Variants in ACTR3C observed in about 807,000 individuals in gnomAD.
ACTR3C encodes the protein actin related protein 3C.
A neutral mutation model predicts 26.3 loss-of-function variants in ACTR3C; 18 were observed. The observed-to-expected ratio is 0.68, with a 90% CI of 0.47 to 1.01. The LOEUF (loss-of-function observed/expected upper bound fraction) is 1.01. Ranked by LOEUF, ACTR3C falls within the 50% of genes least tolerant of loss-of-function variation. The pLI, the probability that ACTR3C is intolerant of heterozygous loss-of-function variation, is 0.00. For synonymous variants in ACTR3C, 55 were observed against 94.5 expected (o/e 0.58, Z 2.42); for missense variants, 184 against 250.7 (o/e 0.73, Z 1.80).
intron 1 of ACTR3C, among the ~76,000 whole-genome samples, chr7:150,298,508 C>G (rs923033200): frequency 6.8e-6 from 1 of 147,748 alleles, no homozygotes; most frequent in Non-Finnish European, 1.5e-5. Context: ...GCTATTTCCT[C>G]TCTCCCTGAG....
At chr7:150,067,896 T>C in the ACTR3C span, among the ~76,000 whole-genome samples, 1 of 151,894 alleles carries the variant, frequency 6.6e-6, no homozygotes, top group East Asian at 1.9e-4. Flanking sequence ...TAGATCTTTT[T>C]TGTCTCTTTA....
At chr7:150,184,663 A>G in the ACTR3C span, among the ~76,000 whole-genome samples, 1 of 150,720 alleles carries the variant, frequency 6.6e-6, no homozygotes, top group South Asian at 2.1e-4. Context: ...TCTGTACTTG[A>G]AAAGCCAGCA....
chr7:149,889,982 A>AG, the ACTR3C span, among the ~76,000 whole-genome samples: 3 of 152,242 alleles, frequency 2.0e-5, no homozygotes, highest in Non-Finnish European at 4.4e-5. Flanking sequence ...AGACACAGCC[A>AG]GGGAAAAAAA....
At chr7:150,195,533 C>T in the ACTR3C span, among the ~76,000 whole-genome samples, 1 of 152,110 alleles carries the variant, frequency 6.6e-6, no homozygotes. Context: ...GATATTTTCC[C>T]TCTGTATAAA....
At chr7:150,179,418 G>GAAAA in the ACTR3C span, among the ~76,000 whole-genome samples, 43 of 118,090 alleles carry the variant, frequency 3.6e-4, 1 homozygote, top group African/African-American at 1.5e-3. Flanking sequence ...GACACAACAG[G>GAAAA]AAAAAAAAAA....
the ACTR3C span, among the ~76,000 whole-genome samples, chr7:150,039,550 A>T: frequency 0.032 from 2,330 of 73,470 alleles, 1 homozygote; most frequent in East Asian, 0.077. Context: ...CCCCAGAGCC[A>T]GGGGGGGAAG....
chr7:150,131,817 C>T, the ACTR3C span, among the ~76,000 whole-genome samples: 1 of 152,210 alleles, frequency 6.6e-6, no homozygotes, highest in African/African-American at 2.4e-5. Flanking sequence ...CCAATGTCCA[C>T]CATGGATCAA....
the ACTR3C span, among the ~76,000 whole-genome samples, chr7:150,233,635 T>A: frequency 6.6e-6 from 1 of 152,044 alleles, no homozygotes; most frequent in African/African-American, 2.4e-5. Flanking sequence ...ACATTCTTTA[T>A]TTATGTCAGT....
chr7:150,083,038 T>C, the ACTR3C span, among the ~76,000 whole-genome samples: 24 of 149,556 alleles, frequency 1.6e-4, 1 homozygote, highest in South Asian at 5.0e-3. Context: ...CTTAAAATTC[T>C]GGGCTCAAGC....
intron 1 of ACTR3C, among the ~76,000 whole-genome samples, chr7:150,305,677 CTGAG>C (rs1795756640): frequency 6.6e-6 from 1 of 152,202 alleles, no homozygotes; most frequent in African/African-American, 2.4e-5. Context: ...TTTGACATCT[CTGAG>C]TGTGTTCTGA....
chr7:149,892,180 C>T, the ACTR3C span: 6 of 1,323,694 alleles, frequency 4.5e-6, no homozygotes, highest in Non-Finnish European at 6.2e-6. Context: ...GAAACACATT[C>T]TACAACTCGC....
At chr7:150,159,979 G>A in the ACTR3C span, among the ~76,000 whole-genome samples, 2 of 151,962 alleles carry the variant, frequency 1.3e-5, no homozygotes, top group Non-Finnish European at 2.9e-5. Flanking sequence ...ATTTTTAGTA[G>A]AGACGGGGTT....
chr7:149,998,529 C>T, the ACTR3C span, among the ~76,000 whole-genome samples: 2 of 147,900 alleles, frequency 1.4e-5, no homozygotes, highest in Admixed American at 1.4e-4. Context: ...GAAACATGTC[C>T]TTCACACGGC....
At chr7:150,314,416 G>T (rs1048848956) in intron 1 of ACTR3C, among the ~76,000 whole-genome samples, 4 of 152,110 alleles carry the variant, frequency 2.6e-5, no homozygotes, top group Non-Finnish European at 5.9e-5. Context: ...AGAAGAGAGT[G>T]ATCCGCCTCT....
chr7:149,901,282 G>A, the ACTR3C span, among the ~76,000 whole-genome samples: 1 of 151,400 alleles, frequency 6.6e-6, no homozygotes, highest in African/African-American at 2.4e-5. Context: ...TACAGTGGTA[G>A]TTCAAGGAAT....
downstream of ACTR3C, chr7:150,246,372 A>G (rs1219934420): frequency 1.3e-5 from 2 of 152,172 alleles, no homozygotes; most frequent in Admixed American, 6.5e-5. Flanking sequence ...GAGTAATGAT[A>G]CAGCTGCAGA....
the ACTR3C span, among the ~76,000 whole-genome samples, chr7:150,142,744 G>A: frequency 6.6e-6 from 1 of 152,078 alleles, no homozygotes; most frequent in African/African-American, 2.4e-5. Flanking sequence ...GGCCAGGCTG[G>A]TCTTGAACTC....
chr7:149,903,062 C>A, the ACTR3C span, among the ~76,000 whole-genome samples: 22 of 95,402 alleles, frequency 2.3e-4, 1 homozygote, highest in Non-Finnish European at 3.2e-4. Flanking sequence ...TTAAAAAAAA[C>A]CCTCAGATTA....
At chr7:150,109,773 A>G in the ACTR3C span, among the ~76,000 whole-genome samples, 2 of 150,030 alleles carry the variant, frequency 1.3e-5, no homozygotes, top group East Asian at 3.9e-4. Context: ...CAGAAGAGAC[A>G]TAAGATTTGA....
Sources: allele counts gnomAD v4.1 joint callset (sites outside exome capture counted in the v4.1 genomes callset), GRCh38; gene constraint gnomAD v4.1.1; transcripts MANE v1.5; gene names NCBI Gene and HGNC (gene_info 2026-07-23, HGNC 2026-07-21).